Variants in MAP2 observed in about 807,000 individuals in gnomAD.
The protein encoded by MAP2 is microtubule associated protein 2, also known as microtubule-associated protein 2.
Under a neutral mutation model 137.6 loss-of-function variants are expected in MAP2, and 14 were observed. That is an observed-to-expected ratio of 0.10 (90% CI 0.07 to 0.16). The LOEUF is 0.16. Ranked by LOEUF, MAP2 falls within the 10% of genes least tolerant of loss-of-function variation. The probability of loss-of-function intolerance (pLI) is 1.00; values close to 1 mark genes in which losing one functional copy is unlikely to be tolerated. For synonymous variants in MAP2, 786 were observed against 782.3 expected (o/e 1.00, Z -0.08); for missense variants, 2,088 against 2,191.5 (o/e 0.95, Z 0.94).
rs1031094300 is a variant in MAP2, at chr2:209,444,269, A to G, written c.-222+19993A>G. Among the ~76,000 whole-genome samples, 8 of 151,760 alleles carry G rather than the reference A, an allele frequency of 5.3e-5. No individual in the cohort carries two copies. In the East Asian group the frequency reaches 1.4e-3, roughly 26 times the overall value. On this transcript the variant is annotated intron_variant, in intron 1 of 15. Transcript: ENST00000682079. ...TCTCGGGGACTAAAATTTGAAATGT[A>G]TGTGTCTCTCTAGTTCAGTATTTCT...
chr2:209,680,562 A>G (rs2054117932), intron 6 of MAP2, among the ~76,000 whole-genome samples, 188 bp from the exon 7 acceptor site: 1 of 152,002 alleles, frequency 6.6e-6, no homozygotes, highest in Non-Finnish European at 1.5e-5. Flanking sequence ...TGCTTGTCTT[A>G]TTTTTTAGGT....
intron 5 of MAP2, among the ~76,000 whole-genome samples, chr2:209,653,734 CAA>C (rs1443258898): frequency 6.6e-6 from 1 of 152,072 alleles, no homozygotes; most frequent in East Asian, 1.9e-4. Flanking sequence ...GAAAACTTTA[CAA>C]ATAGTTTTTT....
chr2:209,513,558 GTATA>G (rs1559260355), intron 2 of MAP2, among the ~76,000 whole-genome samples: 1 of 105,316 alleles, frequency 9.5e-6, no homozygotes, highest in Non-Finnish European at 2.4e-5. Flanking sequence ...ATATATGTGC[GTATA>G]TGTGTGTATG....
intron 3 of MAP2, among the ~76,000 whole-genome samples, chr2:209,582,867 C>T (rs929331502): frequency 5.9e-5 from 9 of 151,996 alleles, no homozygotes; most frequent in Non-Finnish European, 1.3e-4. Context: ...CATATATTAT[C>T]TCCTTTAGCT....
chr2:209,651,942 T>G (rs913401665), intron 4 of MAP2, among the ~76,000 whole-genome samples: 3 of 152,192 alleles, frequency 2.0e-5, no homozygotes, highest in African/African-American at 7.2e-5. Context: ...AAGAAGTGTA[T>G]TTGTCTTAAT....
rs925318314 is a variant in MAP2, at chr2:209,678,325, A to G, written c.263-247A>G. On this transcript the variant is annotated intron_variant, in intron 5 of 15. Coordinates refer to ENST00000682079, the MANE Select transcript of MAP2 (RefSeq NM_001375505.1). ...GAAGCCAAAAAAATGTTCAAATACT[A>G]TGTAAGTATTTTTTCTCAGTTCTGT... 6.6e-5 allele frequency among the ~76,000 whole-genome samples: 10 copies of G among 152,164 alleles called. No individual in the cohort carries two copies. The East Asian group carries it at 1.5e-3, about 24-fold the overall frequency.
chr2:209,592,047 A>C (rs1473954875), intron 3 of MAP2, among the ~76,000 whole-genome samples: 1 of 152,184 alleles, frequency 6.6e-6, no homozygotes, highest in Non-Finnish European at 1.5e-5. Flanking sequence ...CTGCTTTTCA[A>C]GTGAAAATAT....
Position 209,449,296 on chromosome 2 carries a change from C to G in MAP2, c.-222+25020C>G, listed in dbSNP as rs747622118. ...AATAGAATCAAAAAATTTTTTCAGG[C>G]CCAACAGACGCAGGCAGTTAGGGAA... is the stretch of plus-strand genomic sequence containing the variant. On this transcript the variant is annotated intron_variant, in intron 1 of 15. Transcript: ENST00000682079. Among the ~76,000 whole-genome samples the G allele has an allele frequency of 8.9e-4, 135 of 152,020 alleles. 2 individuals are homozygous for G. Among genetic ancestry groups the G allele is most frequent in the Non-Finnish European group, 2.2e-4 (15 of 68,012 alleles).
At position 209,695,354 on chromosome 2, in the gene MAP2, A is replaced by C. The variant is rs1407795840; in HGVS notation, c.3184A>C (p.Ile1062Leu). 4.3e-6 allele frequency: 7 copies of C among 1,613,952 alleles called. No individual in the cohort carries two copies. Among genetic ancestry groups the C allele is most frequent in the Non-Finnish European group, 5.9e-6 (7 of 1,179,944 alleles). ...DFGQMASGLN[I>L]DDRRATELKL... ...TGGACAGATGGCTTCAGGGCTAAAC[A>C]TAGATGATAGAAGGGCAACAGAGCT... is the stretch of plus-strand genomic sequence containing the variant. Residue 1062 changes from isoleucine to leucine, a missense_variant, in exon 8 of 16, where the codon ATA (isoleucine) becomes CTA (leucine). By Grantham distance (5) the Ile-to-Leu change is conservative. Around this residue, in one of 6 missense-constraint regions of MAP2, gnomAD observed 500 missense variants for 482.9 expected, o/e 1.04. Coordinates refer to ENST00000682079, the MANE Select transcript of MAP2 (RefSeq NM_001375505.1).
chr2:209,699,196 A>G (rs540119007), intron 10 of MAP2, among the ~76,000 whole-genome samples: 1 of 152,292 alleles, frequency 6.6e-6, no homozygotes, highest in Admixed American at 6.5e-5. Context: ...TGCTTCCTTA[A>G]AAACAATGAG....
intron 1 of MAP2, among the ~76,000 whole-genome samples, chr2:209,475,637 T>C (rs1475030052): frequency 6.6e-6 from 1 of 152,114 alleles, no homozygotes; most frequent in Non-Finnish European, 1.5e-5. Flanking sequence ...CATTTTTTGT[T>C]TGAAGAGCAG....
At chr2:209,459,774 T>C (rs1376841935) in intron 1 of MAP2, among the ~76,000 whole-genome samples, 1 of 152,168 alleles carries the variant, frequency 6.6e-6, no homozygotes, top group African/African-American at 2.4e-5. Flanking sequence ...AGTAGCAGTT[T>C]GGGACTTGCA....
chr2:209,618,884 T>C (rs2090332089), intron 3 of MAP2, among the ~76,000 whole-genome samples: 1 of 152,204 alleles, frequency 6.6e-6, no homozygotes, highest in Admixed American at 6.6e-5. Context: ...TCAACCTGTG[T>C]CCATCAACTG....
rs372369967 is a variant in MAP2 at position 209,556,068 on chromosome 2, CTCTTGCT to C, written c.-171-23967_-171-23961del. ...TTTTTTTTTTTTTTTTAGAGGCAGC[CTCTTGCT>C]CTGTTGCCCAGGCTGGAGTGCAGTG... On this transcript the variant is annotated intron_variant, in intron 2 of 15. Coordinates refer to ENST00000682079, the MANE Select transcript of MAP2 (RefSeq NM_001375505.1). 3.3e-3 allele frequency among the ~76,000 whole-genome samples: 472 copies of C among 141,740 alleles called. 2 individuals are homozygous for C. Among genetic ancestry groups the C allele is most frequent in the African/African-American group, 0.012 (452 of 37,292 alleles). The allele number at this position is 141,740 out of a possible 152,430, so 93.0% of individuals were successfully genotyped here. A position where few individuals can be genotyped will look rare whatever the true frequency, so the allele number is the denominator to read the frequency against.
At chr2:209,708,243 G>A (rs2064117916) in intron 12 of MAP2, among the ~76,000 whole-genome samples, 1 of 152,116 alleles carries the variant, frequency 6.6e-6, no homozygotes, top group Non-Finnish European at 1.5e-5. Context: ...AGTTGGATGT[G>A]GTTGTGTCAT....
intron 3 of MAP2, among the ~76,000 whole-genome samples, chr2:209,591,953 A>G (rs1311247352): frequency 6.6e-6 from 1 of 152,218 alleles, no homozygotes; most frequent in Non-Finnish European, 1.5e-5. Context: ...TTTTGAATAT[A>G]TTCAAAAATA....
At chr2:209,632,848 G>C (rs1229279464) in intron 4 of MAP2, among the ~76,000 whole-genome samples, 2 of 152,080 alleles carry the variant, frequency 1.3e-5, no homozygotes, top group Non-Finnish European at 2.9e-5. Flanking sequence ...TCTCAGCCCA[G>C]GGCGTCTACC....
Position 209,428,665 on chromosome 2 carries a change from T to C in MAP2, c.-222+4389T>C, listed in dbSNP as rs560888708. On this transcript the variant is annotated intron_variant, in intron 1 of 15. Transcript: ENST00000682079. ...AAGTTTTATGCTAACCTCTCCTCCT[T>C]CTCAAGGCTCCATCCCTATCTTGGT... 6.6e-5 allele frequency among the ~76,000 whole-genome samples: 10 copies of C among 151,960 alleles called. No individual in the cohort carries two copies. The South Asian group carries it at 2.1e-3, about 32-fold the overall frequency.
chr2:209,540,704 C>A (rs1416090462), intron 2 of MAP2, among the ~76,000 whole-genome samples: 1 of 137,630 alleles, frequency 7.3e-6, no homozygotes, highest in African/African-American at 2.8e-5. Context: ...TTTTGATGTT[C>A]ATGTCATTGA....
Sources: allele counts gnomAD v4.1 joint callset (sites outside exome capture counted in the v4.1 genomes callset), GRCh38; gene constraint gnomAD v4.1.1; regional missense constraint gnomAD v4.1.1; transcripts MANE v1.5; gene names NCBI Gene and HGNC (gene_info 2026-07-23, HGNC 2026-07-21).